Variants in RYR2 observed in about 807,000 individuals in gnomAD.
The protein encoded by RYR2 is cardiac muscle ryanodine receptor-calcium release channel.
A neutral mutation model predicts 601.1 loss-of-function variants in RYR2; 227 were observed. That is an observed-to-expected ratio of 0.38 (90% CI 0.34 to 0.42). RYR2 has a LOEUF of 0.42. Among genes scored for constraint, RYR2 ranks in the 10% least tolerant of loss-of-function variants. The pLI is 1.00. For synonymous variants in RYR2, 2,223 were observed against 2,175.1 expected, an observed-to-expected ratio of 1.02 and a Z score of -0.61; for missense variants, 4,646 against 6,156.5, an observed-to-expected ratio of 0.75 and a Z score of 8.21.
At chr1:237,072,925 G>A (rs1291669474) in intron 1 of RYR2, among the ~76,000 whole-genome samples, 1 of 139,706 alleles carries the variant, frequency 7.2e-6, no homozygotes, top group East Asian at 2.1e-4. Flanking sequence ...TCCAGCACGG[G>A]CGACAGAGCG....
At chr1:237,243,144 C>A (rs1167653478) in intron 1 of RYR2, among the ~76,000 whole-genome samples, 1 of 148,996 alleles carries the variant, frequency 6.7e-6, no homozygotes, top group South Asian at 2.1e-4. Context: ...TGACCGGGGT[C>A]AGGGGAGGGG....
chr1:237,706,233 G>A (rs548909588), intron 67 of RYR2, among the ~76,000 whole-genome samples: 370 of 152,100 alleles, frequency 2.4e-3, no homozygotes, highest in Non-Finnish European at 4.3e-3. Flanking sequence ...TGGCAACAGA[G>A]CAAGACTCTG....
At chr1:237,486,744 AT>A (rs1287087266) in intron 17 of RYR2, among the ~76,000 whole-genome samples, 1 of 152,162 alleles carries the variant, frequency 6.6e-6, no homozygotes, top group East Asian at 1.9e-4. Flanking sequence ...ATGCATGCTC[AT>A]TTCACAGAAT....
chr1:237,626,580 CTTTTTTTTTTTT>C (rs60885998), intron 40 of RYR2, among the ~76,000 whole-genome samples: 37 of 40,054 alleles, frequency 9.2e-4, no homozygotes, highest in South Asian at 6.1e-3. Flanking sequence ...TTTTCTTTTT[CTTTTTTTTTTTT>C]TTTTTTTTTT....
Position 237,088,041 on chromosome 1 carries a change from C to T in RYR2, c.48+45472C>T, listed in dbSNP as rs191455081. On this transcript the variant is annotated intron_variant, in intron 1 of 104. Transcript: ENST00000366574. ...GAATTTAGAAATGAAATGCTGACTG[C>T]ACTTGCCATTTCTGCCTTTGGAAAT... 2.4e-3 allele frequency among the ~76,000 whole-genome samples: 363 copies of T among 152,256 alleles called. 4 individuals carry two copies. Among genetic ancestry groups the T allele is most frequent in the East Asian group, 0.021 (111 of 5,186 alleles).
chr1:237,335,250 G>C lies in RYR2; in HGVS notation c.273+4268G>C, dbSNP rs367759876. Among the ~76,000 whole-genome samples the C allele has an allele frequency of 7.7e-4, 117 of 152,294 alleles. No individual in the cohort carries two copies. The Middle Eastern group carries it at 0.01, about 13-fold the overall frequency. On this transcript the variant is annotated intron_variant, in intron 3 of 104. Coordinates refer to ENST00000366574, the MANE Select transcript of RYR2 (RefSeq NM_001035.3). ...TAGTTAATAAAGTTTCATAATTTAA[G>C]TAATATTGTGCTTTTGGCTATTCCT...
intron 2 of RYR2, among the ~76,000 whole-genome samples, chr1:237,280,123 C>T (rs112903975): frequency 2.1e-3 from 316 of 152,182 alleles, no homozygotes; most frequent in African/African-American, 7.3e-3. Flanking sequence ...CATTATTCAC[C>T]AGCATAAATA....
chr1:237,828,551 G>T, intron 102 of RYR2, 106 bp downstream of exon 102: 1 of 718,018 alleles, frequency 1.4e-6, no homozygotes, highest in Non-Finnish European at 2.3e-6. Flanking sequence ...GAGGGGGAAG[G>T]GCACAACTTG....
chr1:237,474,276 C>G (rs1661147164), intron 17 of RYR2, among the ~76,000 whole-genome samples: 1 of 145,538 alleles, frequency 6.9e-6, no homozygotes, highest in Admixed American at 6.8e-5. Context: ...CCTACACACA[C>G]ACACACACAT....
At chr1:237,374,597 G>A (rs1700880964) in intron 6 of RYR2, 120 bp from the exon 7 acceptor site, 3 of 761,550 alleles carry the variant, frequency 3.9e-6, no homozygotes, top group Non-Finnish European at 6.8e-6. Context: ...GGTTGAGGCT[G>A]CAGTGAGCTG....
intron 9 of RYR2, 102 bp downstream of exon 9, chr1:237,387,482 C>A: frequency 9.6e-7 from 1 of 1,039,378 alleles, no homozygotes; most frequent in Non-Finnish European, 1.5e-6. Context: ...AGCTTTTTGT[C>A]TGTGTCTAAA....
intron 2 of RYR2, among the ~76,000 whole-genome samples, chr1:237,287,599 T>C (rs866331338): frequency 6.6e-6 from 1 of 152,246 alleles, no homozygotes; most frequent in African/African-American, 2.4e-5. Flanking sequence ...TTCAATTCTA[T>C]TGCTGAGACT....
At chr1:237,768,506 C>T (rs1415928884) in intron 84 of RYR2, among the ~76,000 whole-genome samples, 1 of 152,064 alleles carries the variant, frequency 6.6e-6, no homozygotes, top group African/African-American at 2.4e-5. Context: ...ACAATGAAAC[C>T]AAAGGGATGT....
At chr1:237,814,256 A>G in intron 100 of RYR2, among the ~76,000 whole-genome samples, 1 of 152,242 alleles carries the variant, frequency 6.6e-6, no homozygotes, top group East Asian at 1.9e-4. Context: ...GCAGCACAGA[A>G]TAGGAAACAA....
rs751037615 is a variant in RYR2 at position 237,831,523 on chromosome 1, G to A, written c.14766G>A (p.Leu4922=). The A allele has an allele frequency of 2.7e-5, 42 of 1,558,760 alleles. No individual in the cohort carries two copies. The South Asian group carries it at 4.7e-4, about 18-fold the overall frequency. ...TTCTCTGTATCTGTAGGTTTTTTCT[G>A]ATGTATCTTATAAACAAAGATGAAA... The part of the protein sequence containing the change: ...EHNLANYLFF[L]MYLINKDETE... The change falls in exon 104 of 105, where the codon CTG becomes CTA. Residue 4922 remains leucine, a synonymous_variant. Coordinates refer to ENST00000366574, the MANE Select transcript of RYR2 (RefSeq NM_001035.3).
chr1:237,222,434 G>A (rs1010569828), intron 1 of RYR2, among the ~76,000 whole-genome samples: 3 of 151,346 alleles, frequency 2.0e-5, no homozygotes, highest in African/African-American at 7.3e-5. Flanking sequence ...AAGGAAGCTT[G>A]GGGCCAGTGG....
In RYR2 at chr1:237,793,888, C is replaced by T. The variant is rs878853077; in HGVS notation, c.13804C>T (p.Arg4602Ter). The change falls in exon 95 of 105, where the codon CGA becomes TGA. Residue 4602 changes from arginine to a stop codon, truncating the protein, a stop_gained. Coordinates refer to ENST00000366574, the MANE Select transcript of RYR2 (RefSeq NM_001035.3). LOFTEE classifies it high-confidence loss of function. ...GTAGGTCCCATTGGTTATTTTTAAG[C>T]GAGAAAAGGAAGTGGCACGGAAATT... The part of the protein sequence containing the change: ...CLKVPLVIFK[R>*]EKEVARKLEF... 3.7e-6 allele frequency: 6 copies of T among 1,607,588 alleles called. No individual in the cohort carries two copies. Among genetic ancestry groups the T allele is most frequent in the Non-Finnish European group, 5.1e-6 (6 of 1,175,066 alleles).
chr1:237,148,535 T>TATATATATATATACACACACAC (rs1674312120), intron 1 of RYR2, among the ~76,000 whole-genome samples: 1 of 125,126 alleles, frequency 8.0e-6, no homozygotes, highest in African/African-American at 3.4e-5. Flanking sequence ...AAAATATATA[T>TATATATATATATACACACACAC]ATATATATAT....
intron 27 of RYR2, among the ~76,000 whole-genome samples, chr1:237,562,010 A>G (rs1671507079): frequency 2.0e-5 from 3 of 152,244 alleles, no homozygotes. Flanking sequence ...TGTTGCTGAC[A>G]TTTAAAAAAA....
Sources: gnomAD v4.1 joint callset for allele counts (sites outside exome capture counted in the v4.1 genomes callset) on GRCh38, gnomAD v4.1.1 for gene constraint, MANE v1.5 for transcripts, NCBI Gene and HGNC (gene_info 2026-07-23, HGNC 2026-07-21) for gene names.